Variants in GTF2IRD1 observed in about 807,000 individuals in gnomAD.
GTF2IRD1 encodes general transcription factor II-I repeat domain-containing protein 1.
A neutral mutation model predicts 113.2 loss-of-function variants in GTF2IRD1; 26 were observed. The ratio of observed to expected loss-of-function variants is 0.23; its 90% confidence interval spans 0.17 to 0.32. The LOEUF is 0.32. Among genes scored for constraint, GTF2IRD1 ranks in the 10% least tolerant of loss-of-function variants. The pLI is 1.00. For synonymous variants in GTF2IRD1, 484 were observed against 529.1 expected (o/e 0.91, Z 1.17); for missense variants, 864 against 1,280.8 (o/e 0.67, Z 4.97).
chr7:74,601,895 G>A, intron 26 of GTF2IRD1: 1 of 165,050 alleles, frequency 6.1e-6, no homozygotes, highest in Non-Finnish European at 1.3e-5. Flanking sequence ...AGTGAGCCAA[G>A]ATCGTCCCAT....
intron 22 of GTF2IRD1, among the ~76,000 whole-genome samples, chr7:74,583,069 A>G (rs1404871229): frequency 6.6e-6 from 1 of 152,204 alleles, no homozygotes. Flanking sequence ...GAGAAAAATC[A>G]GTGTTCTTCC....
intron 9 of GTF2IRD1, among the ~76,000 whole-genome samples, 154 bp from the exon 10 acceptor site, chr7:74,534,959 T>A (rs587652703): frequency 6.6e-6 from 1 of 152,208 alleles, no homozygotes; most frequent in South Asian, 2.1e-4. Context: ...AGACATGCCC[T>A]CTCCTGCCTG....
intron 1 of GTF2IRD1, among the ~76,000 whole-genome samples, chr7:74,504,337 T>C (rs1040837651): frequency 3.3e-5 from 5 of 152,238 alleles, no homozygotes; most frequent in African/African-American, 1.2e-4. Context: ...GCGTCTGGGC[T>C]CCTGTTCCCA....
chr7:74,472,577 T>C (rs1448373235), intron 1 of GTF2IRD1, among the ~76,000 whole-genome samples: 7 of 151,840 alleles, frequency 4.6e-5, no homozygotes, highest in African/African-American at 1.7e-4. Context: ...TGAAACCCCA[T>C]CTCTATTAAA....
intron 1 of GTF2IRD1, among the ~76,000 whole-genome samples, chr7:74,491,716 C>T (rs747298950): frequency 2.6e-5 from 4 of 152,100 alleles, no homozygotes; most frequent in African/African-American, 4.8e-5. Flanking sequence ...ATTTTCTTTA[C>T]CCAGTCTATC....
At chr7:74,495,656 G>A (rs1795615772) in intron 1 of GTF2IRD1, among the ~76,000 whole-genome samples, 1 of 152,182 alleles carries the variant, frequency 6.6e-6, no homozygotes, top group Non-Finnish European at 1.5e-5. Context: ...GGAAGGAGGG[G>A]CTGAGGGAGC....
In GTF2IRD1 at chr7:74,518,232, G is replaced by T; in HGVS notation, c.515G>T (p.Gly172Val). 6.2e-7 allele frequency: 1 copy of T among 1,611,868 alleles called. No homozygotes were observed. Among genetic ancestry groups the T allele is most frequent in the Non-Finnish European group, 8.5e-7 (1 of 1,179,340 alleles). The change falls in exon 5 of 27, where the codon GGC becomes GTC. Residue 172 changes from glycine to valine, a missense_variant. By Grantham distance (109) the Gly-to-Val change is moderately radical. Transcript: ENST00000424337. ...GLLAVQGLPE[G>V]LAFRRPAEYD... is the part of the protein sequence containing the mutation. Reference sequence around the variant, plus strand: ...CTGGCCGTGCAGGGGCTGCCCGAAGGCCTGGCCTTCCGAAGGCCAGCCGAG... The same window carrying T: ...CTGGCCGTGCAGGGGCTGCCCGAAGTCCTGGCCTTCCGAAGGCCAGCCGAG...
intron 20 of GTF2IRD1, among the ~76,000 whole-genome samples, chr7:74,558,279 CAA>C (rs142472718): frequency 2.1e-4 from 13 of 60,842 alleles, no homozygotes; most frequent in South Asian, 6.8e-4. Flanking sequence ...AACTCCGTCT[CAA>C]AAAAAAAAAA....
intron 17 of GTF2IRD1, 141 bp downstream of exon 17, chr7:74,547,427 AC>A: frequency 1.8e-6 from 1 of 561,356 alleles, no homozygotes; most frequent in Non-Finnish European, 3.0e-6. Flanking sequence ...GGTGTGTGCC[AC>A]CATGCCCAGC....
At chr7:74,471,643 G>C (rs2117011001) in intron 1 of GTF2IRD1, among the ~76,000 whole-genome samples, 1 of 118,430 alleles carries the variant, frequency 8.4e-6, no homozygotes, top group African/African-American at 3.2e-5. Context: ...AACATAGCAA[G>C]ACCCCTGTCT....
Position 74,573,352 on chromosome 7 carries a change from T to C in GTF2IRD1, c.2320+13697T>C, listed in dbSNP as rs1018446526. ...AGGAGGTTGAGGCTGTGGTGAGCCGTGATCGTGCCACTGCCCACCAGCCTG... is the reference window on the plus strand; with the variant it reads ...AGGAGGTTGAGGCTGTGGTGAGCCGCGATCGTGCCACTGCCCACCAGCCTG... On this transcript the variant is annotated intron_variant, in intron 22 of 26. Coordinates refer to ENST00000424337, the MANE Select transcript of GTF2IRD1 (RefSeq NM_005685.4). 2.3e-4 allele frequency among the ~76,000 whole-genome samples: 35 copies of C among 150,924 alleles called. 1 individual carries two copies. Among genetic ancestry groups the C allele is most frequent in the Admixed American group, 2.1e-3 (31 of 15,120 alleles).
rs587718167 is a variant in GTF2IRD1, at chr7:74,585,647, C to T, written c.2321-4204C>T. On this transcript the variant is annotated intron_variant, in intron 22 of 26. Coordinates refer to ENST00000424337, the MANE Select transcript of GTF2IRD1 (RefSeq NM_005685.4). ...CTGTAATCCCAGCACTTTGGGAGGCCGAGGTGGGCGAATCACCTGAGGCCA... is the reference window on the plus strand; with the variant it reads ...CTGTAATCCCAGCACTTTGGGAGGCTGAGGTGGGCGAATCACCTGAGGCCA... 1.3e-4 allele frequency among the ~76,000 whole-genome samples: 19 copies of T among 151,866 alleles called. No individual in the cohort carries two copies. The East Asian group carries it at 3.5e-3, about 28-fold the overall frequency.
chr7:74,460,417 A>ATTTTT (rs59643542), intron 1 of GTF2IRD1, among the ~76,000 whole-genome samples: 1 of 148,230 alleles, frequency 6.7e-6, no homozygotes. Flanking sequence ...TTAAAAAAAA[A>ATTTTT]TTTTTTTTTT....
intron 17 of GTF2IRD1, among the ~76,000 whole-genome samples, chr7:74,554,207 C>T (rs1448276938): frequency 6.6e-6 from 1 of 152,162 alleles, no homozygotes; most frequent in African/African-American, 2.4e-5. Context: ...ACCCTGCCAT[C>T]CCCCGACAGC....
chr7:74,577,539 T>A (rs587732414), intron 22 of GTF2IRD1, among the ~76,000 whole-genome samples: 1 of 152,246 alleles, frequency 6.6e-6, no homozygotes, highest in Non-Finnish European at 1.5e-5. Context: ...ATCGTACTTA[T>A]ACAACTTAAT....
intron 1 of GTF2IRD1, among the ~76,000 whole-genome samples, chr7:74,466,538 C>T (rs1367751113): frequency 3.3e-5 from 5 of 152,234 alleles, no homozygotes; most frequent in Admixed American, 2.6e-4. Context: ...TGCTCCGTCT[C>T]GCTTCCTGGA....
chr7:74,463,612 G>T (rs533101472), intron 1 of GTF2IRD1, among the ~76,000 whole-genome samples: 14 of 152,292 alleles, frequency 9.2e-5, no homozygotes, highest in Admixed American at 4.6e-4. Context: ...TGAGTGTGTG[G>T]ATTACCACAG....
At chr7:74,560,011 C>G (rs587607580) in intron 22 of GTF2IRD1, among the ~76,000 whole-genome samples, 1 of 152,282 alleles carries the variant, frequency 6.6e-6, no homozygotes, top group African/African-American at 2.4e-5. Flanking sequence ...AAACTCCTGA[C>G]CTCAAGTGAT....
chr7:74,553,706 T>A (rs1413062710), intron 17 of GTF2IRD1, among the ~76,000 whole-genome samples: 1 of 152,188 alleles, frequency 6.6e-6, no homozygotes, highest in African/African-American at 2.4e-5. Context: ...CTCCTCCTGT[T>A]ACTCCCTGTG....
Sources: allele counts gnomAD v4.1 joint callset (sites outside exome capture counted in the v4.1 genomes callset), GRCh38; gene constraint gnomAD v4.1.1; transcripts MANE v1.5; gene names NCBI Gene and HGNC (gene_info 2026-07-23, HGNC 2026-07-21).